RANBP2: variants seen among roughly 807,000 people sequenced by gnomAD.
RANBP2 encodes the protein E3 SUMO-protein ligase RanBP2.
In RANBP2, 57 loss-of-function variants were observed where a neutral mutation model predicts 303.6. The observed-to-expected ratio is 0.19, with a 90% confidence interval of 0.15 to 0.23. The LOEUF (loss-of-function observed/expected upper bound fraction) is 0.23, where lower values mean the gene tolerates loss of function less well. Ranked by LOEUF, RANBP2 falls within the 10% of genes least tolerant of loss-of-function variation. RANBP2 has a pLI of 1.00. For synonymous variants in RANBP2, 1,167 were observed against 1,301.5 expected, an observed-to-expected ratio of 0.90 and a Z score of 2.23; for missense variants, 3,138 against 3,780.8, an observed-to-expected ratio of 0.83 and a Z score of 4.46.
the RANBP2 span, among the ~76,000 whole-genome samples, chr2:109,408,629 A>G: frequency 6.6e-6 from 1 of 152,242 alleles, no homozygotes; most frequent in Admixed American, 6.5e-5. Context: ...CTCTCTGTAC[A>G]GGCAATGCCC....
the RANBP2 span, among the ~76,000 whole-genome samples, chr2:109,713,004 G>A: frequency 6.6e-6 from 1 of 152,022 alleles, no homozygotes; most frequent in Non-Finnish European, 1.5e-5. Flanking sequence ...TCTGTTTGAC[G>A]GAATATGAAA....
the RANBP2 span, chr2:109,737,392 T>C: frequency 1.5e-6 from 1 of 655,806 alleles, no homozygotes; most frequent in Non-Finnish European, 2.7e-6. Flanking sequence ...GATCCTTTCT[T>C]GCAAAAACTG....
At chr2:109,382,157 T>C in the RANBP2 span, among the ~76,000 whole-genome samples, 2 of 152,204 alleles carry the variant, frequency 1.3e-5, no homozygotes, top group Non-Finnish European at 2.9e-5. Context: ...ATAGCACCTA[T>C]TGTTAGGGAG....
At chr2:108,763,162 T>C in intron 19 of RANBP2, 75 bp from the exon 20 acceptor site, 1 of 1,472,570 alleles carries the variant, frequency 6.8e-7, no homozygotes, top group Non-Finnish European at 9.4e-7. Context: ...TTGAAGTTTG[T>C]GAGAATTGGT....
intron 7 of RANBP2, among the ~76,000 whole-genome samples, chr2:108,741,101 G>C (rs1310968742): frequency 6.6e-6 from 1 of 152,134 alleles, no homozygotes; most frequent in Non-Finnish European, 1.5e-5. Flanking sequence ...AATTTAACAT[G>C]TTAATTGAAA....
the RANBP2 span, among the ~76,000 whole-genome samples, chr2:108,974,666 G>C: frequency 6.6e-6 from 1 of 152,002 alleles, no homozygotes; most frequent in South Asian, 2.1e-4. Context: ...GCAGGCGAAG[G>C]TTTCAGTGAG....
At chr2:109,078,017 C>A in the RANBP2 span, among the ~76,000 whole-genome samples, 4 of 141,632 alleles carry the variant, frequency 2.8e-5, no homozygotes, top group Non-Finnish European at 6.2e-5. Context: ...CTCATGTTCA[C>A]TGCAGCATTA....
the RANBP2 span, among the ~76,000 whole-genome samples, chr2:109,063,541 G>T: frequency 1.7e-4 from 26 of 152,194 alleles, no homozygotes; most frequent in African/African-American, 6.3e-4. Context: ...CTGCTCCACA[G>T]GCGCGACAGG....
chr2:108,922,655 T>A, the RANBP2 span, among the ~76,000 whole-genome samples: 14 of 151,964 alleles, frequency 9.2e-5, no homozygotes, highest in Non-Finnish European at 1.8e-4. Context: ...CAGGGTCAGC[T>A]CCTCCTCCAC....
chr2:108,910,442 C>T, the RANBP2 span: 24 of 1,608,056 alleles, frequency 1.5e-5, no homozygotes, highest in South Asian at 5.5e-5. Flanking sequence ...CAGCTTGGTG[C>T]TGGGGGCTTC....
At chr2:109,143,392 T>C in the RANBP2 span, among the ~76,000 whole-genome samples, 69 of 152,266 alleles carry the variant, frequency 4.5e-4, no homozygotes, top group African/African-American at 1.6e-3. Flanking sequence ...TTCAGCATTA[T>C]TCACAGGGCC....
chr2:109,267,378 T>C, the RANBP2 span, among the ~76,000 whole-genome samples: 17 of 152,150 alleles, frequency 1.1e-4, no homozygotes, highest in African/African-American at 3.9e-4. Flanking sequence ...ACTGTGCGCT[T>C]TGTACAAGTG....
the RANBP2 span, among the ~76,000 whole-genome samples, chr2:109,406,804 G>T: frequency 6.6e-6 from 1 of 152,188 alleles, no homozygotes; most frequent in Non-Finnish European, 1.5e-5. Context: ...AGCAACCAGT[G>T]CAGAGGCTAC....
the RANBP2 span, among the ~76,000 whole-genome samples, chr2:109,424,405 C>A: frequency 6.6e-6 from 1 of 152,192 alleles, no homozygotes; most frequent in Non-Finnish European, 1.5e-5. Flanking sequence ...GGGCTTCAGC[C>A]TCAGAATGCA....
chr2:109,246,772 G>A, the RANBP2 span, among the ~76,000 whole-genome samples: 1 of 152,230 alleles, frequency 6.6e-6, no homozygotes, highest in Non-Finnish European at 1.5e-5. Context: ...ACCTGAGCCT[G>A]GAGAGCCTCG....
chr2:109,346,322 A>G, the RANBP2 span, among the ~76,000 whole-genome samples: 3 of 152,162 alleles, frequency 2.0e-5, no homozygotes, highest in Admixed American at 1.3e-4. Context: ...ATAAATGTAG[A>G]ATGATTGAGT....
At chr2:109,069,732 T>C in the RANBP2 span, among the ~76,000 whole-genome samples, 4 of 152,234 alleles carry the variant, frequency 2.6e-5, no homozygotes, top group African/African-American at 9.6e-5. Flanking sequence ...ACTTTTTTTC[T>C]TCTTTTTTGG....
the RANBP2 span, chr2:109,348,057 A>C: frequency 7.1e-7 from 1 of 1,412,320 alleles, no homozygotes; most frequent in Non-Finnish European, 9.5e-7. Flanking sequence ...TCAGAGTCTG[A>C]ATCCTGGCTC....
chr2:109,290,856 T>G, the RANBP2 span, among the ~76,000 whole-genome samples: 1 of 152,268 alleles, frequency 6.6e-6, no homozygotes, highest in Non-Finnish European at 1.5e-5. Flanking sequence ...ATTTAAGGCT[T>G]AAATATTATT....
Sources: allele counts gnomAD v4.1 joint callset (sites outside exome capture counted in the v4.1 genomes callset), GRCh38; gene constraint gnomAD v4.1.1; transcripts MANE v1.5; gene names NCBI Gene and HGNC (gene_info 2026-07-23, HGNC 2026-07-21).